RBFOX1: variants seen among roughly 807,000 people sequenced by gnomAD.
RBFOX1 encodes the protein RNA binding fox-1 homolog 1, also known as RNA binding protein fox-1 homolog 1.
Under a neutral mutation model 57.7 loss-of-function variants are expected in RBFOX1, and 8 were observed. The observed-to-expected ratio is 0.14, with a 90% CI of 0.08 to 0.25. The LOEUF (loss-of-function observed/expected upper bound fraction) is 0.25, where lower values mean the gene tolerates loss of function less well. Ranked by LOEUF, RBFOX1 falls within the 10% of genes least tolerant of loss-of-function variation. The pLI is 1.00. For missense variants in RBFOX1, 611 were observed against 548.5 expected, an observed-to-expected ratio of 1.11 and a Z score of -1.14; for synonymous variants, 326 against 222.4, an observed-to-expected ratio of 1.47 and a Z score of -4.15.
At chr16:5,622,631 C>G (rs2048233832) in intron 3 of RBFOX1, among the ~76,000 whole-genome samples, 1 of 152,206 alleles carries the variant, frequency 6.6e-6, no homozygotes, top group African/African-American at 2.4e-5. Context: ...CGGCCCGATG[C>G]CTGTGGGTTT....
At chr16:7,326,814 A>C (rs1225789442) in intron 4 of RBFOX1, among the ~76,000 whole-genome samples, 1 of 152,008 alleles carries the variant, frequency 6.6e-6, no homozygotes, top group Non-Finnish European at 1.5e-5. Flanking sequence ...TGATGCCCTC[A>C]GGTCACTTGT....
chr16:7,390,906 G>T (rs907336098), intron 4 of RBFOX1, among the ~76,000 whole-genome samples: 1 of 151,976 alleles, frequency 6.6e-6, no homozygotes, highest in Non-Finnish European at 1.5e-5. Flanking sequence ...TACAATTATG[G>T]AATAAAAAAA....
Position 7,336,644 on chromosome 16 carries a change from A to C in RBFOX1, c.28-181503A>C, listed in dbSNP as rs376135956. On this transcript the variant is annotated intron_variant, in intron 4 of 15. Transcript: ENST00000550418. ...ATAATGAAGTCAGAGGGAGGAAATGATAGGTAATGATTGTTGAACACAATA... is the reference window on the plus strand; with the variant it reads ...ATAATGAAGTCAGAGGGAGGAAATGCTAGGTAATGATTGTTGAACACAATA... 1.4e-4 allele frequency among the ~76,000 whole-genome samples: 21 copies of C among 152,370 alleles called. No individual in the cohort carries two copies. The East Asian group carries it at 4.1e-3, about 29-fold the overall frequency.
At chr16:7,358,378 C>G (rs1003425535) in intron 4 of RBFOX1, among the ~76,000 whole-genome samples, 8 of 152,034 alleles carry the variant, frequency 5.3e-5, no homozygotes, top group Middle Eastern at 3.2e-3. Context: ...GCATTTTATT[C>G]AAGGAAAATT....
At chr16:7,472,463 C>G (rs1045003883) in intron 4 of RBFOX1, among the ~76,000 whole-genome samples, 2 of 152,248 alleles carry the variant, frequency 1.3e-5, no homozygotes, top group East Asian at 1.9e-4. Context: ...AAGTCTGAAA[C>G]CAGTGTTATG....
intron 1 of RBFOX1, among the ~76,000 whole-genome samples, chr16:6,244,641 C>G (rs1033509122): frequency 6.6e-6 from 1 of 152,192 alleles, no homozygotes; most frequent in South Asian, 2.1e-4. Flanking sequence ...TCCCGAGTAG[C>G]TGGGATTACA....
intron 2 of RBFOX1, among the ~76,000 whole-genome samples, chr16:6,644,543 C>T (rs527312176): frequency 1.2e-3 from 176 of 152,270 alleles, no homozygotes; most frequent in African/African-American, 3.9e-3. Flanking sequence ...TTAAGCTGTC[C>T]TGTATTTCCT....
chr16:6,665,593 C>T (rs538354580), intron 3 of RBFOX1, among the ~76,000 whole-genome samples: 1 of 150,416 alleles, frequency 6.6e-6, no homozygotes, highest in Admixed American at 6.6e-5. Flanking sequence ...CCATCACATT[C>T]CAGTCTGGGT....
chr16:7,300,945 T>A (rs959089604), intron 4 of RBFOX1, among the ~76,000 whole-genome samples: 5 of 152,156 alleles, frequency 3.3e-5, no homozygotes, highest in African/African-American at 1.2e-4. Flanking sequence ...TATGAACCCA[T>A]GTGATGTTGA....
intron 3 of RBFOX1, among the ~76,000 whole-genome samples, chr16:5,785,314 A>G (rs1343492251): frequency 6.6e-6 from 1 of 152,178 alleles, no homozygotes; most frequent in East Asian, 1.9e-4. Context: ...TGGTAGAGAC[A>G]AAAGAGAGGT....
intron 3 of RBFOX1, among the ~76,000 whole-genome samples, chr16:6,772,793 TGCG>T (rs2078550473): frequency 6.7e-6 from 1 of 149,930 alleles, no homozygotes; most frequent in African/African-American, 2.5e-5. Flanking sequence ...TGCATTTGTG[TGCG>T]TATGTGTGGG....
chr16:6,260,930 A>G (rs912716619), intron 1 of RBFOX1, among the ~76,000 whole-genome samples: 5 of 152,170 alleles, frequency 3.3e-5, no homozygotes, highest in African/African-American at 4.8e-5. Flanking sequence ...CTTTGAGAAA[A>G]TGAGATAATG....
At chr16:7,161,333 C>T (rs1021044121) in intron 4 of RBFOX1, among the ~76,000 whole-genome samples, 7 of 151,838 alleles carry the variant, frequency 4.6e-5, no homozygotes, top group South Asian at 2.1e-4. Flanking sequence ...AATGAATGTT[C>T]TTTATGCTTT....
chr16:5,991,723 G>A (rs113806329), intron 4 of RBFOX1, among the ~76,000 whole-genome samples: 3 of 148,104 alleles, frequency 2.0e-5, no homozygotes, highest in African/African-American at 7.5e-5. Flanking sequence ...AGTTGAGCCT[G>A]CCTTAGGAGC....
chr16:6,750,222 C>T (rs1223452677), intron 3 of RBFOX1, among the ~76,000 whole-genome samples: 1 of 152,128 alleles, frequency 6.6e-6, no homozygotes, highest in Non-Finnish European at 1.5e-5. Context: ...GTGGGCTCTA[C>T]CTGAGGGCAT....
chr16:7,601,419 A>C (rs2095017646), intron 9 of RBFOX1, among the ~76,000 whole-genome samples: 1 of 152,208 alleles, frequency 6.6e-6, no homozygotes, highest in African/African-American at 2.4e-5. Context: ...TAGTTTCAAT[A>C]TTAAGTCATC....
intron 4 of RBFOX1, among the ~76,000 whole-genome samples, chr16:5,936,803 C>A (rs1294771392): frequency 6.6e-6 from 1 of 152,154 alleles, no homozygotes; most frequent in Admixed American, 6.5e-5. Context: ...AGAGACAGCA[C>A]ATGCCAAGAC....
intron 10 of RBFOX1, among the ~76,000 whole-genome samples, chr16:7,612,620 T>C (rs1486816797): frequency 2.6e-5 from 4 of 151,656 alleles, no homozygotes; most frequent in Non-Finnish European, 5.9e-5. Context: ...AAAATATATA[T>C]ATATATTTTT....
intron 3 of RBFOX1, among the ~76,000 whole-genome samples, chr16:6,701,356 C>G (rs1155959): frequency 0.5 from 75,438 of 152,186 alleles, 22,118 homozygotes; most frequent in Non-Finnish European, 0.64. Context: ...GATGCATCTC[C>G]CTGTTTACCA....
Sources: allele counts gnomAD v4.1 joint callset (sites outside exome capture counted in the v4.1 genomes callset), GRCh38; gene constraint gnomAD v4.1.1; transcripts MANE v1.5; gene names NCBI Gene and HGNC (gene_info 2026-07-23, HGNC 2026-07-21).